The following CTNND2 variants were observed in gnomAD, a reference collection of about 807,000 sequenced individuals.
CTNND2 encodes the protein catenin delta 2.
A neutral mutation model predicts 144.4 loss-of-function variants in CTNND2; 22 were observed. The observed-to-expected ratio is 0.15, with a 90% CI of 0.11 to 0.22. The LOEUF (loss-of-function observed/expected upper bound fraction) is 0.22. Ranked by LOEUF, CTNND2 falls within the 10% of genes least tolerant of loss-of-function variation. CTNND2 has a pLI of 1.00. For missense variants in CTNND2, 1,353 were observed against 1,618.8 expected (o/e 0.84, Z 2.82); for synonymous variants, 751 against 695.6 (o/e 1.08, Z -1.25).
At chr5:11,470,635 C>A (rs1767099605) in intron 3 of CTNND2, among the ~76,000 whole-genome samples, 1 of 152,044 alleles carries the variant, frequency 6.6e-6, no homozygotes, top group South Asian at 2.1e-4. Flanking sequence ...CCCACGACCC[C>A]CTCCAGGATT....
chr5:11,139,765 A>G (rs1756528956), intron 12 of CTNND2, among the ~76,000 whole-genome samples: 1 of 152,192 alleles, frequency 6.6e-6, no homozygotes, highest in Non-Finnish European at 1.5e-5. Flanking sequence ...TAGGGGCATA[A>G]ACTGCCGATT....
At chr5:11,222,641 A>G (rs1164749480) in intron 10 of CTNND2, among the ~76,000 whole-genome samples, 2 of 152,126 alleles carry the variant, frequency 1.3e-5, no homozygotes, top group African/African-American at 4.8e-5. Context: ...CCCTGTCTCT[A>G]CAAAAAATAA....
chr5:11,856,320 GAGGTAAGA>G (rs1475072571), intron 1 of CTNND2, among the ~76,000 whole-genome samples: 2 of 152,202 alleles, frequency 1.3e-5, no homozygotes, highest in African/African-American at 4.8e-5. Context: ...CAGAGGGAAC[GAGGTAAGA>G]AGGGATGCTG....
chr5:11,674,063 A>G (rs879748566), intron 2 of CTNND2, among the ~76,000 whole-genome samples: 2 of 152,230 alleles, frequency 1.3e-5, no homozygotes, highest in African/African-American at 4.8e-5. Flanking sequence ...TTAAATTACA[A>G]TAAGTAAATG....
At chr5:11,631,596 C>T (rs570868776) in intron 2 of CTNND2, among the ~76,000 whole-genome samples, 25 of 152,242 alleles carry the variant, frequency 1.6e-4, no homozygotes, top group South Asian at 1.0e-3. Flanking sequence ...TATAGAGCTA[C>T]GCAGTGTTTC....
At chr5:11,251,700 A>G (rs536891586) in intron 9 of CTNND2, among the ~76,000 whole-genome samples, 2 of 152,326 alleles carry the variant, frequency 1.3e-5, no homozygotes, top group Non-Finnish European at 2.9e-5. Flanking sequence ...AAAATGAACA[A>G]TTATTGGGAG....
chr5:11,016,345 G>A (rs950701040), intron 18 of CTNND2, among the ~76,000 whole-genome samples: 2 of 152,206 alleles, frequency 1.3e-5, no homozygotes, highest in African/African-American at 4.8e-5. Flanking sequence ...AAAACTTCAA[G>A]TGCAAAGTAA....
chr5:11,305,337 A>C (rs1750079763), intron 9 of CTNND2, among the ~76,000 whole-genome samples: 1 of 152,124 alleles, frequency 6.6e-6, no homozygotes, highest in Non-Finnish European at 1.5e-5. Context: ...CTGGCTTCTA[A>C]CTGCTGCGCT....
chr5:11,026,865 G>A (rs923651698), intron 16 of CTNND2, among the ~76,000 whole-genome samples: 1 of 152,154 alleles, frequency 6.6e-6, no homozygotes, highest in African/African-American at 2.4e-5. Context: ...GGAGCCCAGG[G>A]AAATGTTGAG....
intron 9 of CTNND2, among the ~76,000 whole-genome samples, chr5:11,280,918 G>C (rs1747046424): frequency 6.6e-6 from 1 of 152,126 alleles, no homozygotes; most frequent in South Asian, 2.1e-4. Context: ...AACAGAGTAA[G>C]GAGTGTGGGT....
intron 10 of CTNND2, among the ~76,000 whole-genome samples, chr5:11,231,168 C>T (rs1389433265): frequency 6.6e-6 from 1 of 152,090 alleles, no homozygotes. Context: ...TGCCTTCTGC[C>T]ATGATTGTAA....
intron 2 of CTNND2, among the ~76,000 whole-genome samples, chr5:11,640,607 T>C (rs1781950675): frequency 6.6e-6 from 1 of 152,232 alleles, no homozygotes; most frequent in Non-Finnish European, 1.5e-5. Flanking sequence ...AACCTGCACG[T>C]GCCCTATGCC....
At chr5:11,081,771 C>T (rs1749596174) in intron 16 of CTNND2, among the ~76,000 whole-genome samples, 1 of 152,142 alleles carries the variant, frequency 6.6e-6, no homozygotes, top group African/African-American at 2.4e-5. Flanking sequence ...ATACCAAATA[C>T]CCAGAATAGG....
intron 11 of CTNND2, among the ~76,000 whole-genome samples, chr5:11,185,957 G>T (rs1011594535): frequency 2.0e-5 from 3 of 152,210 alleles, no homozygotes; most frequent in African/African-American, 7.2e-5. Context: ...CTCGTGAGTT[G>T]CAAAGTAAAG....
intron 9 of CTNND2, among the ~76,000 whole-genome samples, chr5:11,328,143 T>C (rs964824340): frequency 4.6e-5 from 7 of 152,188 alleles, no homozygotes; most frequent in African/African-American, 1.4e-4. Context: ...TTTATACATA[T>C]GTTTAATGAC....
chr5:11,552,775 T>C (rs1360976227), intron 3 of CTNND2, among the ~76,000 whole-genome samples: 2 of 152,240 alleles, frequency 1.3e-5, no homozygotes, highest in African/African-American at 4.8e-5. Context: ...CATCCCAAGA[T>C]TGATGACTGA....
chr5:11,258,315 G>A (rs1001966700), intron 9 of CTNND2, among the ~76,000 whole-genome samples: 1 of 152,138 alleles, frequency 6.6e-6, no homozygotes, highest in African/African-American at 2.4e-5. Context: ...GGCTGGATGG[G>A]CCCCTGCTCT....
At chr5:11,191,710 C>T (rs960254685) in intron 11 of CTNND2, among the ~76,000 whole-genome samples, 42 of 152,332 alleles carry the variant, frequency 2.8e-4, no homozygotes, top group Admixed American at 2.2e-3. Context: ...TGACAGCTCC[C>T]ACCACATCCC....
chr5:11,578,251 G>A (rs1028142907), intron 2 of CTNND2, among the ~76,000 whole-genome samples: 2 of 152,096 alleles, frequency 1.3e-5, no homozygotes, highest in South Asian at 2.1e-4. Flanking sequence ...GTACCCTAAC[G>A]TAATAGCATA....
Sources: allele counts gnomAD v4.1 joint callset (sites outside exome capture counted in the v4.1 genomes callset), GRCh38; gene constraint gnomAD v4.1.1; transcripts MANE v1.5; gene names NCBI Gene and HGNC (gene_info 2026-07-23, HGNC 2026-07-21).